Variants in KIAA0513 observed in about 807,000 individuals in gnomAD.
KIAA0513 encodes the protein uncharacterized protein KIAA0513.
In KIAA0513, 39 loss-of-function variants were observed where a neutral mutation model predicts 56.5. The ratio of observed to expected loss-of-function variants is 0.69; its 90% CI spans 0.53 to 0.90. The LOEUF (loss-of-function observed/expected upper bound fraction) is 0.90, where lower values mean the gene tolerates loss of function less well. Among genes scored for constraint, KIAA0513 ranks in the 40% least tolerant of loss-of-function variants. KIAA0513 has a pLI of 0.00. For missense variants in KIAA0513, 591 were observed against 535.2 expected (o/e 1.10, Z -1.03); for synonymous variants, 268 against 215.6 (o/e 1.24, Z -2.13).
At chr16:85,049,169 C>T (rs776571771) in intron 1 of KIAA0513, among the ~76,000 whole-genome samples, 1 of 152,238 alleles carries the variant, frequency 6.6e-6, no homozygotes, top group Non-Finnish European at 1.5e-5. Flanking sequence ...CCAGAGATGG[C>T]AGGTGTCACG....
intron 1 of KIAA0513, among the ~76,000 whole-genome samples, chr16:85,036,719 C>T (rs1467444102): frequency 6.6e-6 from 1 of 152,184 alleles, no homozygotes; most frequent in Non-Finnish European, 1.5e-5. Flanking sequence ...TTCCAGGATC[C>T]AGTCCAGGGG....
At chr16:85,077,897 A>G (rs996980869) in intron 6 of KIAA0513, among the ~76,000 whole-genome samples, 2 of 152,162 alleles carry the variant, frequency 1.3e-5, no homozygotes. Context: ...AGGGAACTGC[A>G]GCCCTCCCTT....
At position 85,079,109 on chromosome 16, in the gene KIAA0513, T is replaced by G. The variant is rs2073704843; in HGVS notation, c.902+106T>G. 8.9e-6 allele frequency: 14 copies of G among 1,581,654 alleles called. No homozygotes were observed. The South Asian group carries it at 1.1e-4, about 13-fold the overall frequency. Reference sequence around the variant, plus strand: ...TTTGTCCCCATCAGAATGGCAGAATTCTCACACTCACCAGAGTGGCAGAAT... The same window carrying G: ...TTTGTCCCCATCAGAATGGCAGAATGCTCACACTCACCAGAGTGGCAGAAT... On this transcript the variant is annotated intron_variant, in intron 8 of 12. Transcript: ENST00000683363.
chr16:85,029,195 A>C (rs756659347), intron 1 of KIAA0513, among the ~76,000 whole-genome samples: 1 of 152,214 alleles, frequency 6.6e-6, no homozygotes. Flanking sequence ...ATTGGCTCGC[A>C]ATGAAAAAGT....
At chr16:85,053,909 T>C (rs2073290361) in intron 1 of KIAA0513, among the ~76,000 whole-genome samples, 1 of 151,442 alleles carries the variant, frequency 6.6e-6, no homozygotes. Flanking sequence ...GGAGAATCAC[T>C]TGAAGCCAGG....
intron 1 of KIAA0513, among the ~76,000 whole-genome samples, chr16:85,030,375 G>T (rs1054015343): frequency 3.9e-5 from 6 of 152,194 alleles, no homozygotes; most frequent in Non-Finnish European, 8.8e-5. Flanking sequence ...CAAGGGAGCT[G>T]ACCCAGTAAC....
chr16:85,036,817 C>G (rs919309717), intron 1 of KIAA0513, among the ~76,000 whole-genome samples: 18 of 152,202 alleles, frequency 1.2e-4, no homozygotes, highest in Admixed American at 2.0e-4. Flanking sequence ...GTTTGGTGGT[C>G]TCCATGTAAC....
chr16:85,062,239 A>G (rs2073416942), intron 1 of KIAA0513, among the ~76,000 whole-genome samples: 1 of 150,588 alleles, frequency 6.6e-6, no homozygotes, highest in African/African-American at 2.4e-5. Context: ...CACACACCCC[A>G]TAAGGTCTCA....
chr16:85,087,733 C>A (rs918751196), intron 12 of KIAA0513, among the ~76,000 whole-genome samples: 1 of 152,230 alleles, frequency 6.6e-6, no homozygotes, highest in African/African-American at 2.4e-5. Flanking sequence ...AAAGGACTTA[C>A]ACTTAGGCGT....
intron 2 of KIAA0513, among the ~76,000 whole-genome samples, chr16:85,070,567 A>G (rs1446264695): frequency 1.3e-5 from 2 of 152,102 alleles, no homozygotes; most frequent in Non-Finnish European, 2.9e-5. Flanking sequence ...AATCCCTGCT[A>G]CTCGGGAGGC....
Position 85,081,427 on chromosome 16 carries a change from A to G in KIAA0513, c.980+35A>G. 1 of 1,515,198 alleles carries G rather than the reference A, an allele frequency of 6.6e-7. No individual in the cohort carries two copies. Among genetic ancestry groups the G allele is most frequent in the African/African-American group, 1.4e-5 (1 of 72,406 alleles). The allele number at this position is 1,515,198 out of a possible 1,614,324, so 93.9% of individuals were successfully genotyped here. A position where few individuals can be genotyped will look rare whatever the true frequency, so the allele number is the denominator to read the frequency against. On this transcript the variant is annotated intron_variant, in intron 9 of 12. Coordinates refer to ENST00000683363, the MANE Select transcript of KIAA0513 (RefSeq NM_001388359.1). The surrounding 1 kb of genome is among the most constrained non-coding windows in gnomAD (Gnocchi z 4.4). Reference sequence around the variant, plus strand: ...AAGTGTGGCCCCATTTGGCCTCAGGAAAAAGGACCAGGGAGTGGCTTTATT... The same window carrying G: ...AAGTGTGGCCCCATTTGGCCTCAGGGAAAAGGACCAGGGAGTGGCTTTATT...
chr16:85,071,765 C>CTTTTT lies in KIAA0513; in HGVS notation c.330-7_330-3dup. The stretch of plus-strand genomic sequence containing the variant: ...GGGTTTTTTTTTTTTTTCCTCTGCT[C>CTTTTT]TTTTTTTTTTTTTTTAGGGAGGACT... On this transcript the variant is annotated splice_polypyrimidine_tract_variant and intron_variant, in intron 2 of 12. Coordinates refer to ENST00000683363, the MANE Select transcript of KIAA0513 (RefSeq NM_001388359.1). 34 of 1,206,434 alleles carry CTTTTT rather than the reference C, an allele frequency of 2.8e-5. No homozygotes were observed. Among genetic ancestry groups the CTTTTT allele is most frequent in the East Asian group, 1.1e-4 (4 of 37,722 alleles). 74.7% of individuals were successfully genotyped at this position (1,206,434 alleles called of 1,614,324 possible). A position where few individuals can be genotyped will look rare whatever the true frequency, so the allele number is the denominator to read the frequency against.
chr16:85,047,040 G>A (rs898563658), intron 1 of KIAA0513, among the ~76,000 whole-genome samples: 1 of 152,230 alleles, frequency 6.6e-6, no homozygotes, highest in African/African-American at 2.4e-5. Context: ...TTAGGAAGCT[G>A]TGGTTCCTGA....
At chr16:85,070,380 C>A (rs2073555292) in intron 2 of KIAA0513, among the ~76,000 whole-genome samples, 1 of 152,002 alleles carries the variant, frequency 6.6e-6, no homozygotes, top group Non-Finnish European at 1.5e-5. Flanking sequence ...ATCTGACTGT[C>A]TCAAAATGCA....
rs144475048 is a variant in KIAA0513, at chr16:85,067,101, G to A, written c.30G>A (p.Ser10=). Residue 10 remains serine (S), a synonymous_variant, in exon 2 of 13, where the codon TCG becomes TCA. Coordinates refer to ENST00000683363, the MANE Select transcript of KIAA0513 (RefSeq NM_001388359.1). ...AGACCCCAGAGGTCCCCGTGGGCTC[G>A]CTAATCGACTTTGGGCCTGAGGCAC... METPEVPVG[S]LIDFGPEAPT... is the part of the protein sequence containing the mutation. 6.8e-4 allele frequency: 1,086 copies of A among 1,601,330 alleles called. 6 individuals are homozygous for A. Among genetic ancestry groups the A allele is most frequent in the South Asian group, 5.0e-3 (453 of 89,750 alleles).
At chr16:85,060,929 A>C (rs2073395528) in intron 1 of KIAA0513, among the ~76,000 whole-genome samples, 1 of 151,830 alleles carries the variant, frequency 6.6e-6, no homozygotes, top group African/African-American at 2.4e-5. Flanking sequence ...AGAGGTGGGT[A>C]GATCACCTGA....
intron 12 of KIAA0513, 105 bp from the exon 13 acceptor site, chr16:85,088,171 G>A: frequency 9.8e-7 from 1 of 1,019,838 alleles, no homozygotes; most frequent in Non-Finnish European, 1.5e-6. Flanking sequence ...CTGCAGCCCT[G>A]CTCCCAGGGA....
At chr16:85,032,370 G>A (rs2072976934) in intron 1 of KIAA0513, among the ~76,000 whole-genome samples, 1 of 152,238 alleles carries the variant, frequency 6.6e-6, no homozygotes, top group Non-Finnish European at 1.5e-5. Flanking sequence ...CAGAGTCTCT[G>A]TTGCCCAGGC....
At chr16:85,034,548 G>C (rs1170979254) in intron 1 of KIAA0513, among the ~76,000 whole-genome samples, 1 of 152,164 alleles carries the variant, frequency 6.6e-6, no homozygotes, top group Non-Finnish European at 1.5e-5. Context: ...TTGTGCCTTA[G>C]ACTTCACTCG....
Sources: allele counts gnomAD v4.1 joint callset (sites outside exome capture counted in the v4.1 genomes callset), GRCh38; gene constraint gnomAD v4.1.1; non-coding constraint Gnocchi (gnomAD v3.1); transcripts MANE v1.5; gene names NCBI Gene and HGNC (gene_info 2026-07-23, HGNC 2026-07-21).